The following ACLY variants were observed in gnomAD, a reference collection of about 807,000 sequenced individuals.
ACLY encodes ATP citrate lyase, also known as ATP-citrate synthase.
ACLY carries 41 observed loss-of-function variants against 133.0 expected under a neutral mutation model. The ratio of observed to expected loss-of-function variants is 0.31; its 90% confidence interval spans 0.24 to 0.40. ACLY has a LOEUF of 0.40. Ranked by LOEUF, ACLY falls within the 10% of genes least tolerant of loss-of-function variation. The probability of loss-of-function intolerance (pLI) is 1.00; values close to 1 mark genes in which losing one functional copy is unlikely to be tolerated. For synonymous variants in ACLY, 495 were observed against 549.3 expected, an observed-to-expected ratio of 0.90 and a Z score of 1.38; for missense variants, 1,046 against 1,453.8, an observed-to-expected ratio of 0.72 and a Z score of 4.56.
intron 25 of ACLY, among the ~76,000 whole-genome samples, chr17:41,869,811 CT>C (rs1224136819): frequency 6.6e-6 from 1 of 152,180 alleles, no homozygotes; most frequent in African/African-American, 2.4e-5. Flanking sequence ...TTGGTAGGTT[CT>C]CACTTTTAAG....
At chr17:41,919,191 G>C (rs1167256096), upstream of ACLY, among the ~76,000 whole-genome samples, 1 of 152,176 alleles carries the variant, frequency 6.6e-6, no homozygotes, top group East Asian at 1.9e-4. Context: ...TGCGGGGCCG[G>C]GGCGGGGCCC....
In ACLY at chr17:41,884,312, A is replaced by C. The variant is rs782262892; in HGVS notation, c.2073-38T>G. On this transcript the variant is annotated intron_variant, in intron 18 of 28. Transcript: ENST00000352035. ...GGGAGTATCAGGATACAGGATCAGG[A>C]GGAGGCCTGGGGAAGTGTGTACAGG... is the stretch of plus-strand genomic sequence containing the variant. 17 of 1,391,398 alleles carry C rather than the reference A, an allele frequency of 1.2e-5. No homozygotes were observed. The East Asian group carries it at 3.9e-4, about 32-fold the overall frequency. The allele number at this position is 1,391,398 out of a possible 1,614,324, so 86.2% of individuals were successfully genotyped here. A position where few individuals can be genotyped will look rare whatever the true frequency, so the allele number is the denominator to read the frequency against.
Position 41,892,443 on chromosome 17 carries a change from C to T in ACLY, c.1606G>A (p.Asp536Asn). The T allele has an allele frequency of 6.2e-7, 1 of 1,613,110 alleles. No homozygotes were observed. Among genetic ancestry groups the T allele is most frequent in the Non-Finnish European group, 8.5e-7 (1 of 1,179,554 alleles). ...VAAMVYPFTG[D>N]HKQKFYWGHK... ...CCCCAGTAAAACTTCTGCTTGTGGTCCCCACTGTGAGAAAGTAAAAGAAGA... is the reference window on the plus strand; with the variant it reads ...CCCCAGTAAAACTTCTGCTTGTGGTTCCCACTGTGAGAAAGTAAAAGAAGA... Residue 536 changes from aspartate to asparagine, a missense_variant, in exon 16 of 29, where the codon GAC becomes AAC. Asp to Asn is a conservative substitution (Grantham distance 23). Around this residue, in one of 4 missense-constraint regions of ACLY, gnomAD observed 575 missense variants for 804.2 expected, o/e 0.71. Coordinates refer to ENST00000352035, the MANE Select transcript of ACLY (RefSeq NM_001096.3).
chr17:41,898,732 C>T lies in ACLY; in HGVS notation c.1237G>A (p.Ala413Thr), dbSNP rs1159331745. 1 of 1,613,902 alleles carries T rather than the reference C, an allele frequency of 6.2e-7. No homozygotes were observed. Among genetic ancestry groups the T allele is most frequent in the Non-Finnish European group, 8.5e-7 (1 of 1,179,986 alleles). ...TGGCCCAGGGCCATGCCCACAATGG[C>T]CGTCATGTGAGTCTCTGTGCCAAAG... ...HVFGTETHMT[A>T]IVGMALGHRP... The change falls in exon 12 of 29, where the codon GCC becomes ACC. Residue 413 changes from alanine (A) to threonine (T), a missense_variant. Physicochemically the swap from Ala to Thr is moderately conservative, Grantham distance 58. Around this residue, in one of 4 missense-constraint regions of ACLY, gnomAD observed 575 missense variants for 804.2 expected, o/e 0.71. Coordinates refer to ENST00000352035, the MANE Select transcript of ACLY (RefSeq NM_001096.3).
intron 19 of ACLY, among the ~76,000 whole-genome samples, chr17:41,883,435 A>G (rs1401321497): frequency 6.6e-6 from 1 of 152,230 alleles, no homozygotes; most frequent in Non-Finnish European, 1.5e-5. Context: ...ATCTAGAAAT[A>G]TAACATGATT....
chr17:41,890,784 T>G (rs2049185466), intron 16 of ACLY, among the ~76,000 whole-genome samples: 1 of 127,824 alleles, frequency 7.8e-6, no homozygotes, highest in Admixed American at 1.1e-4. Context: ...GTGGATCACT[T>G]AAGGCCAGGA....
intron 22 of ACLY, among the ~76,000 whole-genome samples, chr17:41,876,290 G>A (rs1392563423): frequency 1.3e-5 from 2 of 149,450 alleles, no homozygotes; most frequent in Admixed American, 6.6e-5. Context: ...GGAGGGAGGT[G>A]GGGGGGTCAG....
upstream of ACLY, among the ~76,000 whole-genome samples, chr17:41,920,590 CA>C (rs57800581): frequency 0.61 from 45,332 of 74,140 alleles, 11,997 homozygotes; most frequent in Middle Eastern, 0.73. Context: ...GATTCTATCT[CA>C]AAAAAAAAAA....
At chr17:41,903,848 G>C (rs944812024) in intron 10 of ACLY, among the ~76,000 whole-genome samples, 3 of 150,776 alleles carry the variant, frequency 2.0e-5, no homozygotes, top group Non-Finnish European at 2.9e-5. Context: ...GGTTGGGCAT[G>C]GTGGTTCACA....
At chr17:41,906,048 G>A (rs1267152235) in intron 8 of ACLY, among the ~76,000 whole-genome samples, 1 of 152,228 alleles carries the variant, frequency 6.6e-6, no homozygotes, top group Non-Finnish European at 1.5e-5. Context: ...ATGGCAGATT[G>A]CACATCTAGA....
chr17:41,888,244 G>A (rs190171475), intron 16 of ACLY, among the ~76,000 whole-genome samples: 383 of 152,252 alleles, frequency 2.5e-3, no homozygotes, highest in Middle Eastern at 0.014. Flanking sequence ...GTGGATAGCC[G>A]AAACTGATCT....
At chr17:41,930,227 G>A (rs2050301841) in intron 1 of ACLY, 1 of 152,478 alleles carries the variant, frequency 6.6e-6, no homozygotes, top group African/African-American at 2.4e-5. Context: ...ATTCGAGGCT[G>A]GGAGCCCTTA....
upstream of ACLY, among the ~76,000 whole-genome samples, chr17:41,921,464 T>G: frequency 7.7e-6 from 1 of 130,076 alleles, no homozygotes. Flanking sequence ...GGCGACAGGG[T>G]GTGACCCTGT....
chr17:41,874,923 A>AG (rs562729289), intron 22 of ACLY, among the ~76,000 whole-genome samples: 2 of 2,446 alleles, frequency 8.2e-4, no homozygotes, highest in African/African-American at 1.8e-3. Flanking sequence ...GTGTTATAGC[A>AG]AAAAAAAAAA....
intron 25 of ACLY, 109 bp from the exon 26 acceptor site, chr17:41,869,696 A>T: frequency 1.1e-6 from 1 of 881,838 alleles, no homozygotes. Context: ...GCGGCGATTC[A>T]GGAACCTGGC....
Position 41,887,460 on chromosome 17 carries a change from A to C in ACLY, c.1875+139T>G, listed in dbSNP as rs2049084884. 4.4e-6 allele frequency: 3 copies of C among 686,430 alleles called. No homozygotes were observed. In the South Asian group the frequency reaches 5.2e-5, roughly 12 times the overall value. 42.5% of individuals were successfully genotyped at this position (686,430 alleles called of 1,614,324 possible). A position where few individuals can be genotyped will look rare whatever the true frequency, so the allele number is the denominator to read the frequency against. ...CTCAAAAAAAAAGCTAAAAATGGAC[A>C]GACTGATTTTCAACACATACTTCCT... On this transcript the variant is annotated intron_variant, in intron 17 of 28. Coordinates refer to ENST00000352035, the MANE Select transcript of ACLY (RefSeq NM_001096.3).
intron 16 of ACLY, among the ~76,000 whole-genome samples, chr17:41,890,969 C>CAA (rs113644053): frequency 2.2e-5 from 3 of 138,342 alleles, no homozygotes; most frequent in Non-Finnish European, 4.7e-5. Context: ...GGCCCTGTCT[C>CAA]AAAAAAAAAA....
At chr17:41,918,998 C>G, upstream of ACLY, 1 of 1,287,458 alleles carries the variant, frequency 7.8e-7, no homozygotes, top group Non-Finnish European at 1.0e-6. Flanking sequence ...CCCAGCCGGA[C>G]TTTTCCCCGC....
chr17:41,892,991 T>A, intron 15 of ACLY, 42 bp downstream of exon 15: 1 of 1,597,442 alleles, frequency 6.3e-7, no homozygotes, highest in Non-Finnish European at 8.5e-7. Context: ...AAGCTTTGTC[T>A]TAGCAGAGGA....
Sources: allele counts gnomAD v4.1 joint callset (sites outside exome capture counted in the v4.1 genomes callset), GRCh38; gene constraint gnomAD v4.1.1; regional missense constraint gnomAD v4.1.1; transcripts MANE v1.5; gene names NCBI Gene and HGNC (gene_info 2026-07-23, HGNC 2026-07-21).